Variants in MSRA observed in about 807,000 individuals in gnomAD.
MSRA encodes the protein methionine sulfoxide reductase A, also known as mitochondrial peptide methionine sulfoxide reductase.
Under a neutral mutation model 31.3 loss-of-function variants are expected in MSRA, and 54 were observed. The observed-to-expected ratio is 1.73, with a 90% confidence interval of 1.39 to 2.17. The LOEUF (loss-of-function observed/expected upper bound fraction) is 2.17. Among genes scored for constraint, MSRA ranks in the 30% most tolerant of loss-of-function variants. The pLI, the probability that MSRA is intolerant of heterozygous loss-of-function variation, is 0.00. For missense variants in MSRA, 507 were observed against 300.9 expected (o/e 1.69, Z -5.07); for synonymous variants, 169 against 116.5 (o/e 1.45, Z -2.90).
At chr8:10,154,123 G>C (rs921612674) in intron 1 of MSRA, among the ~76,000 whole-genome samples, 1 of 152,180 alleles carries the variant, frequency 6.6e-6, no homozygotes, top group Admixed American at 6.5e-5. Context: ...TATATTTGTT[G>C]AAAGTAGAAT....
At chr8:10,298,291 TA>T (rs1299137041) in intron 3 of MSRA, among the ~76,000 whole-genome samples, 1 of 152,146 alleles carries the variant, frequency 6.6e-6, no homozygotes, top group Non-Finnish European at 1.5e-5. Context: ...TATTCAGCCC[TA>T]AAAAGGAAGA....
chr8:10,386,891 A>AC, intron 5 of MSRA, among the ~76,000 whole-genome samples: 1 of 150,024 alleles, frequency 6.7e-6, no homozygotes, highest in East Asian at 1.9e-4. Flanking sequence ...AAAAAAAAAA[A>AC]ACAGTCTCCA....
chr8:10,236,122 T>C (rs1475684179), intron 2 of MSRA, among the ~76,000 whole-genome samples: 1 of 152,186 alleles, frequency 6.6e-6, no homozygotes, highest in Admixed American at 6.5e-5. Context: ...AAGGAAACTT[T>C]CTCAACCTGA....
At position 10,263,179 on chromosome 8, in the gene MSRA, T is replaced by C. The variant is rs1375438804; in HGVS notation, c.331+17956T>C. 3.9e-5 allele frequency among the ~76,000 whole-genome samples: 6 copies of C among 152,358 alleles called. No homozygotes were observed. In the South Asian group the frequency reaches 6.2e-4, roughly 16 times the overall value. ...TTAGGTTGGGTGTTTCTCAGTTTAA[T>C]GGCTAAACTCAAAATCTTTATTGCT... On this transcript the variant is annotated intron_variant, in intron 3 of 5. Coordinates refer to ENST00000317173, the MANE Select transcript of MSRA (RefSeq NM_012331.5).
intron 5 of MSRA, among the ~76,000 whole-genome samples, chr8:10,366,212 G>A (rs554661198): frequency 8.5e-5 from 13 of 152,356 alleles, no homozygotes; most frequent in Admixed American, 2.0e-4. Context: ...TTCATGTTTC[G>A]TTTAGGGAAG....
At chr8:10,056,913 T>C (rs1479563272) in intron 1 of MSRA, among the ~76,000 whole-genome samples, 3 of 152,168 alleles carry the variant, frequency 2.0e-5, no homozygotes, top group Admixed American at 2.0e-4. Context: ...AGAAGGCCTG[T>C]TTCTTTAGTG....
At chr8:10,197,943 G>C (rs1318306790) in intron 1 of MSRA, among the ~76,000 whole-genome samples, 1 of 152,220 alleles carries the variant, frequency 6.6e-6, no homozygotes, top group African/African-American at 2.4e-5. Flanking sequence ...CTGTGATGGA[G>C]CAGGCAAGCA....
At chr8:10,359,257 C>G (rs1804699072) in intron 5 of MSRA, among the ~76,000 whole-genome samples, 1 of 152,142 alleles carries the variant, frequency 6.6e-6, no homozygotes, top group South Asian at 2.1e-4. Flanking sequence ...GTATTTGTCT[C>G]TTTCTCTGAG....
rs150703469 is a variant in MSRA, at chr8:10,160,902, A to G, written c.143-46931A>G. 5.3e-3 allele frequency among the ~76,000 whole-genome samples: 801 copies of G among 152,372 alleles called. 7 individuals are homozygous for G. The highest frequency in any genetic ancestry group is 9.4e-3 in the Non-Finnish European group (642 of 68,038). On this transcript the variant is annotated intron_variant, in intron 1 of 5. Coordinates refer to ENST00000317173, the MANE Select transcript of MSRA (RefSeq NM_012331.5). ...AATAAATAAATTTATAAATTTACTT[A>G]TGTTCTAGAATAAATGCAAGTAATT...
intron 1 of MSRA, among the ~76,000 whole-genome samples, chr8:10,069,814 G>A (rs1361318007): frequency 1.3e-5 from 2 of 152,118 alleles, no homozygotes; most frequent in Non-Finnish European, 2.9e-5. Context: ...TTCTTTATCA[G>A]GTTAAAGAAG....
chr8:10,244,197 T>A (rs1375670204), intron 2 of MSRA, among the ~76,000 whole-genome samples: 1 of 152,200 alleles, frequency 6.6e-6, no homozygotes, highest in Non-Finnish European at 1.5e-5. Context: ...CCATATAAAA[T>A]TTGAGTGAGG....
intron 5 of MSRA, among the ~76,000 whole-genome samples, chr8:10,350,815 C>T (rs1255037607): frequency 6.6e-6 from 1 of 152,242 alleles, no homozygotes; most frequent in African/African-American, 2.4e-5. Context: ...AGCATTGCGC[C>T]TTCCCTCTTC....
intron 2 of MSRA, among the ~76,000 whole-genome samples, chr8:10,227,104 A>C (rs1811066708): frequency 6.6e-6 from 1 of 152,182 alleles, no homozygotes; most frequent in African/African-American, 2.4e-5. Context: ...AGACACAGTG[A>C]GGCACATTCT....
chr8:10,062,567 G>A (rs1441609743), intron 1 of MSRA, among the ~76,000 whole-genome samples: 1 of 152,176 alleles, frequency 6.6e-6, no homozygotes, highest in East Asian at 1.9e-4. Flanking sequence ...AGAGGCCAGG[G>A]TTCCTCTGAG....
chr8:10,175,507 C>T (rs532798330), intron 1 of MSRA, among the ~76,000 whole-genome samples: 2 of 152,226 alleles, frequency 1.3e-5, no homozygotes, highest in African/African-American at 4.8e-5. Flanking sequence ...AAATTTTAGT[C>T]TGATGATCTT....
chr8:10,057,612 G>A (rs1224952237), intron 1 of MSRA, among the ~76,000 whole-genome samples: 1 of 152,176 alleles, frequency 6.6e-6, no homozygotes, highest in Non-Finnish European at 1.5e-5. Flanking sequence ...GGCCTGGTGA[G>A]AGGTGATTGA....
intron 3 of MSRA, among the ~76,000 whole-genome samples, chr8:10,246,299 G>T (rs904709881): frequency 6.6e-6 from 1 of 152,206 alleles, no homozygotes; most frequent in Non-Finnish European, 1.5e-5. Context: ...AGGGTAGGCA[G>T]ATGCCCTCAT....
At chr8:10,155,589 G>T (rs991868113) in intron 1 of MSRA, among the ~76,000 whole-genome samples, 14 of 152,180 alleles carry the variant, frequency 9.2e-5, no homozygotes, top group Admixed American at 9.2e-4. Context: ...GAAACCATGA[G>T]AGAAATGGCG....
At chr8:10,421,222 G>C (rs1468740280) in intron 5 of MSRA, among the ~76,000 whole-genome samples, 1 of 152,150 alleles carries the variant, frequency 6.6e-6, no homozygotes, top group Non-Finnish European at 1.5e-5. Context: ...TTCAGGGCTG[G>C]CCTCGGCTGC....
Sources: gnomAD v4.1 joint callset for allele counts (sites outside exome capture counted in the v4.1 genomes callset) on GRCh38, gnomAD v4.1.1 for gene constraint, MANE v1.5 for transcripts, NCBI Gene and HGNC (gene_info 2026-07-23, HGNC 2026-07-21) for gene names.